The following MTHFD1 variants were observed in gnomAD, a reference collection of about 807,000 sequenced individuals.
The protein encoded by MTHFD1 is methylenetetrahydrofolate dehydrogenase, cyclohydrolase and formyltetrahydrofolate synthetase 1.
In MTHFD1, 44 loss-of-function variants were observed where a neutral mutation model predicts 110.3. The observed-to-expected ratio is 0.40, with a 90% CI of 0.31 to 0.51. The LOEUF is 0.51. Among genes scored for constraint, MTHFD1 ranks in the 20% least tolerant of loss-of-function variants. MTHFD1 has a pLI of 0.60. For missense variants in MTHFD1, 909 were observed against 1,173.1 expected (o/e 0.77, Z 3.29); for synonymous variants, 402 against 428.8 (o/e 0.94, Z 0.77).
At chr14:64,412,414 A>G (rs762423119) in intron 3 of MTHFD1, 58 bp from the exon 4 acceptor site, 28 of 1,264,792 alleles carry the variant, frequency 2.2e-5, no homozygotes, top group Non-Finnish European at 3.0e-5. Context: ...TGTAAAAGAA[A>G]TGGTTCAATA....
intron 1 of MTHFD1, 136 bp downstream of exon 1, chr14:64,388,604 A>C: frequency 1.2e-6 from 1 of 803,518 alleles, no homozygotes; most frequent in Non-Finnish European, 2.2e-6. Context: ...GAAGACCTGC[A>C]GCCAAAGAAA....
intron 23 of MTHFD1, chr14:64,448,975 A>AT (rs1281298136): frequency 9.2e-5 from 21 of 227,340 alleles, no homozygotes; most frequent in East Asian, 1.1e-4. Flanking sequence ...AATTTTTTGT[A>AT]TTTTTAGTAG....
At chr14:64,390,626 G>A (rs2077796691) in intron 1 of MTHFD1, among the ~76,000 whole-genome samples, 1 of 152,076 alleles carries the variant, frequency 6.6e-6, no homozygotes, top group South Asian at 2.1e-4. Flanking sequence ...TGGGATTACA[G>A]GCGTCCGCCA....
chr14:64,421,062 C>T (rs2078066036), intron 8 of MTHFD1, among the ~76,000 whole-genome samples: 1 of 152,200 alleles, frequency 6.6e-6, no homozygotes, highest in Non-Finnish European at 1.5e-5. Flanking sequence ...TTCAACTTCA[C>T]CTTCACCTTC....
At chr14:64,426,985 G>A (rs1269202555) in intron 11 of MTHFD1, among the ~76,000 whole-genome samples, 1 of 152,140 alleles carries the variant, frequency 6.6e-6, no homozygotes, top group East Asian at 1.9e-4. Flanking sequence ...AAGTTTTTTG[G>A]AAATTACAAC....
rs1018964880 is a variant in MTHFD1 at position 64,430,304 on chromosome 14, C to CT, written c.1311+81dup. Reference sequence around the variant, plus strand: ...GGGGGGAGGGTGCTGAATTAGCTCCCTTTTTTTCCCCATGACGGAGTCTTG... The same window carrying CT: ...GGGGGGAGGGTGCTGAATTAGCTCCCTTTTTTTTCCCCATGACGGAGTCTTG... On this transcript the variant is annotated intron_variant, in intron 13 of 27. Transcript: ENST00000652337. 12 of 1,357,080 alleles carry CT rather than the reference C, an allele frequency of 8.8e-6. No individual in the cohort carries two copies. The African/African-American group carries it at 1.3e-4, about 15-fold the overall frequency. The allele number at this position is 1,357,080 out of a possible 1,614,324, so 84.1% of individuals were successfully genotyped here.
intron 2 of MTHFD1, among the ~76,000 whole-genome samples, chr14:64,405,631 C>G (rs1285129871): frequency 6.6e-6 from 1 of 152,180 alleles, no homozygotes; most frequent in Non-Finnish European, 1.5e-5. Context: ...ATTGATTGTG[C>G]CTCTCATCAA....
intron 1 of MTHFD1, among the ~76,000 whole-genome samples, chr14:64,392,068 A>G (rs1455928656): frequency 6.6e-6 from 1 of 152,232 alleles, no homozygotes; most frequent in Non-Finnish European, 1.5e-5. Context: ...TAGTCTTTGT[A>G]AAAGTGACTT....
At chr14:64,458,817 G>A (rs556067729) in intron 27 of MTHFD1, among the ~76,000 whole-genome samples, 6 of 152,308 alleles carry the variant, frequency 3.9e-5, no homozygotes, top group Non-Finnish European at 2.9e-5. Flanking sequence ...CGACTGCAAT[G>A]AGTGACATTG....
At chr14:64,456,627 T>A (rs1596570491) in intron 26 of MTHFD1, among the ~76,000 whole-genome samples, 1 of 152,196 alleles carries the variant, frequency 6.6e-6, no homozygotes, top group African/African-American at 2.4e-5. Context: ...TTTATCTTTA[T>A]AATGTCATCT....
chr14:64,440,089 C>A (rs780167840), intron 17 of MTHFD1, 37 bp from the exon 18 acceptor site: 1 of 1,599,572 alleles, frequency 6.3e-7, no homozygotes, highest in Admixed American at 1.7e-5. Context: ...TGGTTTAACA[C>A]AAAGTTTTTG....
chr14:64,424,053 C>T (rs190947703), intron 8 of MTHFD1, among the ~76,000 whole-genome samples: 1 of 152,202 alleles, frequency 6.6e-6, no homozygotes, highest in East Asian at 1.9e-4. Context: ...TCAGTTGTGG[C>T]GATCTGATCA....
Position 64,444,702 on chromosome 14 carries a change from G to A in MTHFD1, c.2146G>A (p.Gly716Arg). Reference protein sequence around the residue: ...MHGGGPTVTAGLPLPKAYIQE... With the variant: ...MHGGGPTVTARLPLPKAYIQE... ...TTTCTTTTCCTTCCAGGTCACTGCT[G>A]GACTGCCTCTTCCCAAGGCTTACAT... The change falls in exon 22 of 28, where the codon GGA becomes AGA. Residue 716 changes from glycine (G) to arginine (R), a missense_variant. By Grantham distance (125) the Gly-to-Arg change is moderately radical. Coordinates refer to ENST00000652337, the MANE Select transcript of MTHFD1 (RefSeq NM_005956.4). The A allele has an allele frequency of 6.2e-7, 1 of 1,614,048 alleles. No homozygotes were observed. The highest frequency in any genetic ancestry group is 8.5e-7 in the Non-Finnish European group (1 of 1,179,960).
intron 8 of MTHFD1, among the ~76,000 whole-genome samples, chr14:64,422,001 A>G (rs1329460899): frequency 6.6e-6 from 1 of 151,928 alleles, no homozygotes; most frequent in African/African-American, 2.4e-5. Flanking sequence ...ATTACATGTG[A>G]GAAATGGAGA....
intron 2 of MTHFD1, among the ~76,000 whole-genome samples, chr14:64,408,584 C>T (rs945924971): frequency 2.0e-5 from 3 of 152,160 alleles, no homozygotes; most frequent in Admixed American, 6.5e-5. Context: ...CCACCATGCC[C>T]GGCCAGAATA....
intron 2 of MTHFD1, among the ~76,000 whole-genome samples, chr14:64,405,129 A>G (rs190081450): frequency 3.9e-5 from 6 of 152,288 alleles, no homozygotes; most frequent in Admixed American, 1.3e-4. Flanking sequence ...ATTACTAAGA[A>G]TCAAAAGTAT....
rs1197742162 is a variant in MTHFD1, at chr14:64,435,512, AC to A, written c.1495-56del. 7 of 1,200,790 alleles carry A rather than the reference AC, an allele frequency of 5.8e-6. No individual in the cohort carries two copies. The East Asian group carries it at 1.2e-4, about 20-fold the overall frequency. The allele number at this position is 1,200,790 out of a possible 1,614,324, so 74.4% of individuals were successfully genotyped here. On this transcript the variant is annotated intron_variant, in intron 15 of 27. Transcript: ENST00000652337. Reference sequence around the variant, plus strand: ...AGGTAGGGGTCAAAATTTTTGTCTTACGTTTATTGTGCTTCTGTTTGTCTTA... The same window carrying A: ...AGGTAGGGGTCAAAATTTTTGTCTTAGTTTATTGTGCTTCTGTTTGTCTTA...
intron 1 of MTHFD1, among the ~76,000 whole-genome samples, chr14:64,393,598 G>A (rs1009173888): frequency 3.9e-5 from 6 of 152,206 alleles, no homozygotes; most frequent in Admixed American, 1.3e-4. Context: ...CAGCGATAGT[G>A]CAGCAGAGCC....
chr14:64,441,310 A>T, intron 18 of MTHFD1, 75 bp from the exon 19 acceptor site: 1 of 1,364,034 alleles, frequency 7.3e-7, no homozygotes, highest in Non-Finnish European at 1.1e-6. Context: ...GTAAGCCTAG[A>T]ATGTCAAATA....
Sources: gnomAD v4.1 joint callset for allele counts (sites outside exome capture counted in the v4.1 genomes callset) on GRCh38, gnomAD v4.1.1 for gene constraint, MANE v1.5 for transcripts, NCBI Gene and HGNC (gene_info 2026-07-23, HGNC 2026-07-21) for gene names.